Variants in ANKRD62 observed in about 807,000 individuals in gnomAD.
ANKRD62 encodes the protein ankyrin repeat domain-containing protein 62.
A neutral mutation model predicts 98.8 loss-of-function variants in ANKRD62; 61 were observed. The ratio of observed to expected loss-of-function variants is 0.62; its 90% CI spans 0.50 to 0.76. The LOEUF is 0.76. Among genes scored for constraint, ANKRD62 ranks in the 30% least tolerant of loss-of-function variants. The probability of loss-of-function intolerance (pLI) is 0.00; values close to 1 mark genes in which losing one functional copy is unlikely to be tolerated. For missense variants in ANKRD62, 933 were observed against 1,082.9 expected, an observed-to-expected ratio of 0.86 and a Z score of 1.94; for synonymous variants, 341 against 367.9, an observed-to-expected ratio of 0.93 and a Z score of 0.84.
chr18:12,094,143 C>G lies in ANKRD62; in HGVS notation c.126C>G (p.Ile42Met). ...YRVRQKDLGMIHKAAIAGDVN... is the reference protein window; with the variant it reads ...YRVRQKDLGMMHKAAIAGDVN... The stretch of plus-strand genomic sequence containing the variant: ...TCCGGCAGAAGGATCTGGGCATGAT[C>G]CACAAAGCTGCCATCGCAGGTGATG... Residue 42 changes from isoleucine to methionine, a missense_variant, in exon 1 of 14, where the codon ATC (isoleucine) becomes ATG (methionine). Coordinates refer to ENST00000587848, the MANE Select transcript of ANKRD62 (RefSeq NM_001277333.2). The G allele has an allele frequency of 4.6e-6, 7 of 1,533,290 alleles. No homozygotes were observed. Among genetic ancestry groups the G allele is most frequent in the Non-Finnish European group, 4.4e-6 (5 of 1,146,440 alleles). 95.0% of individuals were successfully genotyped at this position (1,533,290 alleles called of 1,614,324 possible). A position where few individuals can be genotyped will look rare whatever the true frequency, so the allele number is the denominator to read the frequency against.
intron 7 of ANKRD62, among the ~76,000 whole-genome samples, chr18:12,104,917 C>T (rs967531702): frequency 1.3e-5 from 2 of 152,108 alleles, no homozygotes; most frequent in South Asian, 4.2e-4. Context: ...TAGTAACAGA[C>T]CAGACACAGA....
At position 12,126,094 on chromosome 18, in the gene ANKRD62, A is replaced by T; in HGVS notation, c.2273A>T (p.Asp758Val). Residue 758 changes from aspartate (D) to valine (V), a missense_variant, in exon 13 of 14, where the codon GAC becomes GTC. Around this residue, in one of 3 missense-constraint regions of ANKRD62, gnomAD observed 362 missense variants for 434.5 expected, o/e 0.83. Transcript: ENST00000587848. ...LEDIEHMYQN[D>V]QPILEKYVRK... Reference sequence around the variant, plus strand: ...GACATTGAACACATGTACCAAAATGACCAACCTATTTTGGAAAAATACGTG... The same window carrying T: ...GACATTGAACACATGTACCAAAATGTCCAACCTATTTTGGAAAAATACGTG... The T allele has an allele frequency of 6.5e-7, 1 of 1,536,138 alleles. No homozygotes were observed. The highest frequency in any genetic ancestry group is 8.7e-7 in the Non-Finnish European group (1 of 1,146,880).
the ANKRD62 span, among the ~76,000 whole-genome samples, chr18:12,168,033 A>AG: frequency 1.3e-5 from 2 of 152,074 alleles, no homozygotes; most frequent in Non-Finnish European, 2.9e-5. Context: ...TCTGGATATT[A>AG]GCCCTTTGTC....
chr18:12,097,200 G>A (rs2143893197), intron 4 of ANKRD62, among the ~76,000 whole-genome samples: 1 of 152,248 alleles, frequency 6.6e-6, no homozygotes, highest in South Asian at 2.1e-4. Flanking sequence ...ATTCTTAACT[G>A]AAACTACTGT....
In ANKRD62 at chr18:12,095,553, T is replaced by C. The variant is rs1463465540; in HGVS notation, c.450T>C (p.Asn150=). The change falls in exon 3 of 14, where the codon AAT becomes AAC. Residue 150 remains asparagine (N), a synonymous_variant. Transcript: ENST00000587848. ...TALHYAIDNE[N]ISMARKLLAY... ...TGCACTATGCCATTGATAATGAGAA[T>C]ATATCAATGGCAAGAAAACTGCTTG... 1.3e-6 allele frequency: 2 copies of C among 1,546,968 alleles called. No individual in the cohort carries two copies. Among genetic ancestry groups the C allele is most frequent in the South Asian group, 1.2e-5 (1 of 84,898 alleles).
At chr18:12,125,319 A>C (rs1162718355) in intron 12 of ANKRD62, 141 bp from the exon 13 acceptor site, 6 of 783,164 alleles carry the variant, frequency 7.7e-6, no homozygotes, top group Non-Finnish European at 8.7e-6. Context: ...TTTTGATTCA[A>C]CTTTTTTTTT....
intron 1 of ANKRD62, among the ~76,000 whole-genome samples, chr18:12,094,600 G>A (rs1409763871): frequency 4.0e-4 from 10 of 25,312 alleles, no homozygotes; most frequent in Admixed American, 8.5e-4. Flanking sequence ...GGACTGTGGT[G>A]GGGAGTGGAG....
intron 8 of ANKRD62, among the ~76,000 whole-genome samples, chr18:12,109,471 G>T (rs1249129416): frequency 1.3e-5 from 2 of 152,158 alleles, no homozygotes; most frequent in East Asian, 1.9e-4. Flanking sequence ...AATTTTGTCG[G>T]AATACAATAC....
rs576881996 is a variant in ANKRD62 at position 12,110,453 on chromosome 18, G to A, written c.1064+2986G>A. Among the ~76,000 whole-genome samples, 10 of 152,252 alleles carry A rather than the reference G, an allele frequency of 6.6e-5. No individual in the cohort carries two copies. The South Asian group carries it at 1.2e-3, about 19-fold the overall frequency. On this transcript the variant is annotated intron_variant, in intron 8 of 13. Coordinates refer to ENST00000587848, the MANE Select transcript of ANKRD62 (RefSeq NM_001277333.2). ...GGTCTGGCTTATAAAAATGCCATAT[G>A]TGTATAATTTTTTAAATGCTTAAGG... is the stretch of plus-strand genomic sequence containing the variant.
At position 12,115,539 on chromosome 18, in the gene ANKRD62, G is replaced by A. The variant is rs772066730; in HGVS notation, c.1240+5G>A. The A allele has an allele frequency of 8.5e-6, 13 of 1,532,022 alleles. No homozygotes were observed. The highest frequency in any genetic ancestry group is 1.1e-5 in the Non-Finnish European group (13 of 1,143,892). The allele number at this position is 1,532,022 out of a possible 1,614,324, so 94.9% of individuals were successfully genotyped here. On this transcript the variant is annotated splice_donor_5th_base_variant and intron_variant, in intron 10 of 13. Transcript: ENST00000587848. ...AAAGTGGAATGGAGTGTAAAGGTAG[G>A]ACCAATGCATAAATATAAGGCTCTT...
chr18:12,097,999 C>CTT (rs1909218280), intron 5 of ANKRD62, among the ~76,000 whole-genome samples: 1 of 152,130 alleles, frequency 6.6e-6, no homozygotes, highest in Non-Finnish European at 1.5e-5. Context: ...GACTTCTATG[C>CTT]TTAGTTATTC....
the ANKRD62 span, among the ~76,000 whole-genome samples, chr18:12,173,344 G>T: frequency 6.6e-6 from 1 of 152,110 alleles, no homozygotes; most frequent in Non-Finnish European, 1.5e-5. Flanking sequence ...CCATTTGCTT[G>T]GTCGATTTTT....
Position 12,126,171 on chromosome 18 carries a change from C to G in ANKRD62, c.2350C>G (p.Leu784Val), listed in dbSNP as rs1393124167. Residue 784 changes from leucine to valine, a missense_variant, in exon 13 of 14, where the codon CTG (leucine) becomes GTG (valine). Physicochemically the swap from Leu to Val is conservative, Grantham distance 32. Transcript: ENST00000587848. ...ACTATTTCAACTACAAAGCCAAAAT[C>G]TGTTGTATCAACAGCAGTGTAATGA... ...DGLFQLQSQN[L>V]LYQQQCNDAR... 1.6e-5 allele frequency: 24 copies of G among 1,535,940 alleles called. No homozygotes were observed. The highest frequency in any genetic ancestry group is 2.1e-5 in the Non-Finnish European group (24 of 1,146,848).
the ANKRD62 span, among the ~76,000 whole-genome samples, chr18:12,165,714 G>A: frequency 1.3e-5 from 2 of 151,970 alleles, no homozygotes; most frequent in African/African-American, 4.8e-5. Context: ...CTATTCTGGG[G>A]GTTTTGTGTG....
the ANKRD62 span, among the ~76,000 whole-genome samples, chr18:12,175,031 G>A: frequency 3.9e-5 from 6 of 152,270 alleles, no homozygotes; most frequent in Non-Finnish European, 7.3e-5. Context: ...CTGCAGCAGG[G>A]TGCTGTTGGG....
intron 10 of ANKRD62, among the ~76,000 whole-genome samples, chr18:12,120,090 T>A (rs920920842): frequency 3.9e-5 from 6 of 152,182 alleles, no homozygotes; most frequent in African/African-American, 1.2e-4. Flanking sequence ...CTTAATCTTT[T>A]TAATGAGATT....
the ANKRD62 span, among the ~76,000 whole-genome samples, chr18:12,169,202 G>A: frequency 6.6e-6 from 1 of 152,126 alleles, no homozygotes; most frequent in East Asian, 1.9e-4. Flanking sequence ...GGGCATCCCT[G>A]TCTTGTGCGT....
the ANKRD62 span, among the ~76,000 whole-genome samples, chr18:12,162,006 T>C: frequency 7.3e-4 from 111 of 152,258 alleles, no homozygotes; most frequent in Middle Eastern, 3.4e-3. Context: ...CAGACATCTC[T>C]GAGAATCTAA....
At chr18:12,174,591 C>T in the ANKRD62 span, among the ~76,000 whole-genome samples, 21 of 152,128 alleles carry the variant, frequency 1.4e-4, no homozygotes, top group Middle Eastern at 3.2e-3. Flanking sequence ...TTTGAGTTGC[C>T]GTGGTTCTTT....
Sources: allele counts gnomAD v4.1 joint callset (sites outside exome capture counted in the v4.1 genomes callset), GRCh38; gene constraint gnomAD v4.1.1; regional missense constraint gnomAD v4.1.1; transcripts MANE v1.5; gene names NCBI Gene and HGNC (gene_info 2026-07-23, HGNC 2026-07-21).